SEC16B: variants seen among roughly 807,000 people sequenced by gnomAD.
The protein encoded by SEC16B is SEC16 homolog B, endoplasmic reticulum export factor, also known as protein transport protein Sec16B.
SEC16B carries 115 observed loss-of-function variants against 141.8 expected under a neutral mutation model. That is an observed-to-expected ratio of 0.81 (90% CI 0.70 to 0.95). The LOEUF (loss-of-function observed/expected upper bound fraction) is 0.95, where lower values mean the gene tolerates loss of function less well. Among genes scored for constraint, SEC16B ranks in the 40% least tolerant of loss-of-function variants. The probability of loss-of-function intolerance (pLI) is 0.00; values close to 1 mark genes in which losing one functional copy is unlikely to be tolerated. For synonymous variants in SEC16B, 493 were observed against 492.5 expected (o/e 1.00, Z -0.01); for missense variants, 1,291 against 1,312.3 (o/e 0.98, Z 0.25).
At chr1:177,972,050 C>T (rs567461042), upstream of SEC16B, among the ~76,000 whole-genome samples, 1 of 152,314 alleles carries the variant, frequency 6.6e-6, no homozygotes, top group Non-Finnish European at 1.5e-5. Flanking sequence ...ATAGAATTGT[C>T]ATTCTGTTAC....
Position 177,947,942 on chromosome 1 carries a change from A to G in SEC16B, c.1546T>C (p.Cys516Arg). 6.5e-7 allele frequency: 1 copy of G among 1,535,930 alleles called. No individual in the cohort carries two copies. The highest frequency in any genetic ancestry group is 1.4e-5 in the African/African-American group (1 of 72,804). Residue 516 changes from cysteine to arginine, a missense_variant and splice_region_variant, in exon 13 of 26, where the codon TGT becomes CGT. Around this residue, in one of 3 missense-constraint regions of SEC16B, gnomAD observed 681 missense variants for 675.5 expected, o/e 1.01. Coordinates refer to ENST00000308284, the MANE Select transcript of SEC16B (RefSeq NM_033127.4). ...TCTCCCCACTGCTTTTCTCCACAACACTGAAAAGCACCAGAAAAAATAAAT... is the reference window on the plus strand; with the variant it reads ...TCTCCCCACTGCTTTTCTCCACAACGCTGAAAAGCACCAGAAAAAATAAAT... ...MSGRIPQAAT[C>R]CGEKQWGDWR...
intron 12 of SEC16B, chr1:177,948,450 A>G (rs1489154007): frequency 3.1e-6 from 4 of 1,304,116 alleles, no homozygotes; most frequent in Admixed American, 2.3e-5. Context: ...TAATCTTCAC[A>G]GGAACCCTAT....
intron 18 of SEC16B, among the ~76,000 whole-genome samples, chr1:177,939,391 C>T (rs544685843): frequency 1.3e-5 from 2 of 152,296 alleles, no homozygotes; most frequent in African/African-American, 4.8e-5. Context: ...GAAATGTATC[C>T]AGCTGGAGAG....
At chr1:177,983,243 T>C (rs1367529362) in intron 1 of SEC16B, among the ~76,000 whole-genome samples, 3 of 152,184 alleles carry the variant, frequency 2.0e-5, no homozygotes, top group Non-Finnish European at 2.9e-5. Context: ...CAGAGTGCCA[T>C]ATGGTTCACT....
In SEC16B at chr1:177,932,736, G is replaced by A. The variant is rs1342002968; in HGVS notation, c.2894C>T (p.Pro965Leu). The A allele has an allele frequency of 6.8e-6, 11 of 1,608,712 alleles. No homozygotes were observed. Among genetic ancestry groups the A allele is most frequent in the Non-Finnish European group, 9.3e-6 (11 of 1,177,812 alleles). Residue 965 changes from proline to leucine, a missense_variant, in exon 23 of 26, where the codon CCA becomes CTA. This residue lies in a region of SEC16B where 605 missense variants were observed against 614.1 expected (regional missense o/e 0.99). Coordinates refer to ENST00000308284, the MANE Select transcript of SEC16B (RefSeq NM_033127.4). ...GAAGGCACTAACATCCGGCAGAGGT[G>A]GGGACTCAGGGGAAGGTGTCAGTGA... is the stretch of plus-strand genomic sequence containing the variant. ...GLSLTPSPES[P>L]PLPDVSAFSR... is the part of the protein sequence containing the mutation.
chr1:177,940,759 G>T, intron 16 of SEC16B, 45 bp from the exon 17 acceptor site: 1 of 1,288,648 alleles, frequency 7.8e-7, no homozygotes. Flanking sequence ...AGTAAGAGAG[G>T]AGAGGAGAGA....
At position 177,958,661 on chromosome 1, in the gene SEC16B, C is replaced by G. The variant is rs79373901; in HGVS notation, c.1134+179G>C. Among the ~76,000 whole-genome samples, 314 of 152,334 alleles carry G rather than the reference C, an allele frequency of 2.1e-3. 1 individual carries two copies. The highest frequency in any genetic ancestry group is 7.4e-3 in the African/African-American group (307 of 41,572). ...ATTTTCCCAGACCAAGGAAGAAGAT[C>G]ATCAGGGAAGATCTGCGTTAGCAAA... is the stretch of plus-strand genomic sequence containing the variant. On this transcript the variant is annotated intron_variant, in intron 9 of 25. Coordinates refer to ENST00000308284, the MANE Select transcript of SEC16B (RefSeq NM_033127.4).
intron 12 of SEC16B, chr1:177,948,775 G>T: frequency 3.0e-6 from 3 of 991,206 alleles, no homozygotes; most frequent in Non-Finnish European, 3.9e-6. Context: ...TAATGTCTCT[G>T]AACCTTTGTT....
At chr1:177,965,400 G>GGT (rs71108021) in intron 3 of SEC16B, among the ~76,000 whole-genome samples, 5 of 151,006 alleles carry the variant, frequency 3.3e-5, no homozygotes, top group Admixed American at 6.6e-5. Flanking sequence ...GATGGGGATT[G>GGT]GTGTGTGTGT....
At chr1:177,955,500 T>C (rs1186556849) in intron 10 of SEC16B, among the ~76,000 whole-genome samples, 1 of 152,110 alleles carries the variant, frequency 6.6e-6, no homozygotes, top group African/African-American at 2.4e-5. Context: ...GGCCATGCCA[T>C]CATGCCTGGC....
intron 17 of SEC16B, 95 bp downstream of exon 17, chr1:177,940,515 T>G: frequency 1.2e-6 from 1 of 826,758 alleles, no homozygotes; most frequent in East Asian, 2.7e-5. Flanking sequence ...GACCAGGGAC[T>G]TGCTAATGTC....
chr1:177,946,663 A>T (rs538267270), intron 13 of SEC16B, 132 bp from the exon 14 acceptor site: 1 of 643,470 alleles, frequency 1.6e-6, no homozygotes, highest in South Asian at 1.9e-5. Flanking sequence ...GGACTAAATG[A>T]ATGAGCCTTT....
At chr1:177,938,718 T>A (rs1651051278) in intron 18 of SEC16B, among the ~76,000 whole-genome samples, 1 of 152,242 alleles carries the variant, frequency 6.6e-6, no homozygotes, top group Non-Finnish European at 1.5e-5. Context: ...CACACCTTTT[T>A]ATTTTTTGAT....
rs566654662 is a variant in SEC16B, at chr1:177,935,999, G to A, written c.2571+299C>T. 2.2e-3 allele frequency among the ~76,000 whole-genome samples: 342 copies of A among 152,366 alleles called. 1 individual carries two copies. Among genetic ancestry groups the A allele is most frequent in the Non-Finnish European group, 4.0e-3 (274 of 68,032 alleles). On this transcript the variant is annotated intron_variant, in intron 20 of 25. Transcript: ENST00000308284. ...CATGGCAGGACAGGGTAGGGCAAGC[G>A]TTTTGTGCAGCACTGAGAAGATGTC... is the stretch of plus-strand genomic sequence containing the variant.
chr1:177,944,611 C>G lies in SEC16B; in HGVS notation c.1831G>C (p.Glu611Gln), dbSNP rs1263998413. Residue 611 changes from glutamate (E) to glutamine (Q), a missense_variant, in exon 15 of 26, where the codon GAG becomes CAG. By Grantham distance (29) the Glu-to-Gln change is conservative. This residue lies in a region of SEC16B where 605 missense variants were observed against 614.1 expected (regional missense o/e 0.99). Transcript: ENST00000308284. ...TEAIQRTEIFEYCQMLGRPKS... is the reference protein window; with the variant it reads ...TEAIQRTEIFQYCQMLGRPKS... Reference sequence around the variant, plus strand: ...GGGCGGCCCAGCATCTGACAGTACTCGAAGATTTCCGTCCTCTGGATTGCC... The same window carrying G: ...GGGCGGCCCAGCATCTGACAGTACTGGAAGATTTCCGTCCTCTGGATTGCC... 6.2e-7 allele frequency: 1 copy of G among 1,613,822 alleles called. No individual in the cohort carries two copies. The highest frequency in any genetic ancestry group is 8.5e-7 in the Non-Finnish European group (1 of 1,179,790).
At chr1:177,949,429 C>CACACACACACAA (rs1491561749) in intron 12 of SEC16B, among the ~76,000 whole-genome samples, 10 of 139,244 alleles carry the variant, frequency 7.2e-5, no homozygotes, top group African/African-American at 2.7e-4. Context: ...CACACACACA[C>CACACACACACAA]AAAGAAAAAC....
At chr1:177,983,711 A>G (rs181413671) in intron 1 of SEC16B, among the ~76,000 whole-genome samples, 23 of 152,268 alleles carry the variant, frequency 1.5e-4, no homozygotes, top group Non-Finnish European at 2.8e-4. Context: ...CTAGCCATCT[A>G]TATAGCTTGA....
chr1:177,975,984 A>G (rs546563432), intron 1 of SEC16B, among the ~76,000 whole-genome samples: 1 of 152,210 alleles, frequency 6.6e-6, no homozygotes, highest in Non-Finnish European at 1.5e-5. Context: ...CCTGTGCCAG[A>G]GACAATTAGC....
At chr1:177,939,438 A>G (rs1651110147) in intron 18 of SEC16B, among the ~76,000 whole-genome samples, 1 of 152,232 alleles carries the variant, frequency 6.6e-6, no homozygotes, top group Non-Finnish European at 1.5e-5. Flanking sequence ...GGCTAACAAT[A>G]CAGTGCAACA....
Sources: allele counts gnomAD v4.1 joint callset (sites outside exome capture counted in the v4.1 genomes callset), GRCh38; gene constraint gnomAD v4.1.1; regional missense constraint gnomAD v4.1.1; transcripts MANE v1.5; gene names NCBI Gene and HGNC (gene_info 2026-07-23, HGNC 2026-07-21).